Variants in LEKR1 observed in about 807,000 individuals in gnomAD.
LEKR1 encodes leucine, glutamate and lysine rich 1.
LEKR1 carries 59 observed loss-of-function variants against 72.4 expected under a neutral mutation model. The observed-to-expected ratio is 0.82, with a 90% CI of 0.66 to 1.01. The LOEUF (loss-of-function observed/expected upper bound fraction) is 1.01. Among genes scored for constraint, LEKR1 ranks in the 50% least tolerant of loss-of-function variants. LEKR1 has a pLI of 0.00. For missense variants in LEKR1, 728 were observed against 759.2 expected, an observed-to-expected ratio of 0.96 and a Z score of 0.48; for synonymous variants, 257 against 263.2, an observed-to-expected ratio of 0.98 and a Z score of 0.23.
intron 3 of LEKR1, among the ~76,000 whole-genome samples, chr3:156,856,182 C>T (rs1433705947): frequency 6.6e-6 from 1 of 152,002 alleles, no homozygotes; most frequent in Non-Finnish European, 1.5e-5. Flanking sequence ...TTTGTTGTTT[C>T]TCAGATGTCT....
At chr3:156,840,018 G>C (rs1159029114) in intron 2 of LEKR1, among the ~76,000 whole-genome samples, 2 of 152,012 alleles carry the variant, frequency 1.3e-5, no homozygotes, top group Non-Finnish European at 2.9e-5. Flanking sequence ...TTCCTCCTCA[G>C]CCTGCTCAAT....
At chr3:156,944,853 A>G (rs1023801113) in intron 6 of LEKR1, among the ~76,000 whole-genome samples, 8 of 151,676 alleles carry the variant, frequency 5.3e-5, no homozygotes, top group African/African-American at 1.9e-4. Context: ...AATCTTGGCT[A>G]TTGTGAATAG....
chr3:156,877,491 C>A (rs974194799), intron 3 of LEKR1, among the ~76,000 whole-genome samples: 3 of 152,062 alleles, frequency 2.0e-5, no homozygotes, highest in Non-Finnish European at 4.4e-5. Context: ...GTTTTAGTCT[C>A]ACTGCTTGTT....
intron 6 of LEKR1, among the ~76,000 whole-genome samples, chr3:156,963,071 C>T (rs1463063039): frequency 1.3e-5 from 2 of 152,134 alleles, no homozygotes; most frequent in African/African-American, 4.8e-5. Context: ...TACTTGTAGC[C>T]TGAGGTGTCT....
chr3:156,852,379 A>G (rs941513287), intron 2 of LEKR1, among the ~76,000 whole-genome samples: 1 of 152,222 alleles, frequency 6.6e-6, no homozygotes, highest in African/African-American at 2.4e-5. Context: ...TGAAAAAGCC[A>G]GGAGAACAGA....
At chr3:157,024,700 C>T in intron 10 of LEKR1, 60 bp from the exon 11 acceptor site, 1 of 1,189,820 alleles carries the variant, frequency 8.4e-7, no homozygotes, top group Non-Finnish European at 1.2e-6. Flanking sequence ...TGAAAATAAG[C>T]TTAATGTACT....
chr3:157,022,566 C>T (rs1221923275), intron 10 of LEKR1, among the ~76,000 whole-genome samples: 2 of 152,010 alleles, frequency 1.3e-5, no homozygotes, highest in Non-Finnish European at 2.9e-5. Flanking sequence ...CAGTCACTAA[C>T]TTGAGTAACT....
At chr3:157,017,628 A>G (rs1733458431) in intron 10 of LEKR1, 1 of 152,170 alleles carries the variant, frequency 6.6e-6, no homozygotes. Flanking sequence ...GATTAAAAGT[A>G]AAGAACGAAA....
Position 156,942,573 on chromosome 3 carries a change from A to T in LEKR1, c.604A>T (p.Lys202Ter), listed in dbSNP as rs1272586039. The change falls in exon 6 of 13, where the codon AAA becomes TAA. Residue 202 changes from lysine to a stop codon, truncating the protein, a stop_gained. Coordinates refer to ENST00000356539, the MANE Select transcript of LEKR1 (RefSeq NM_001004316.3). LOFTEE classifies it high-confidence loss of function. Reference sequence around the variant, plus strand: ...AAGTTTGACAGTATCCCAGAGAAATAAAGTATGCCTTGAAAAGGAAATGAA... The same window carrying T: ...AAGTTTGACAGTATCCCAGAGAAATTAAGTATGCCTTGAAAAGGAAATGAA... ...NKSLTVSQRNKVCLEKEMKNL... is the reference protein window; with the variant it reads ...NKSLTVSQRN 7.9e-7 allele frequency: 1 copy of T among 1,265,426 alleles called. No homozygotes were observed. Among genetic ancestry groups the T allele is most frequent in the African/African-American group, 1.6e-5 (1 of 64,470 alleles). 78.4% of individuals were successfully genotyped at this position (1,265,426 alleles called of 1,614,324 possible).
chr3:157,017,430 C>T (rs532454802), intron 10 of LEKR1: 1 of 152,272 alleles, frequency 6.6e-6, no homozygotes, highest in East Asian at 1.9e-4. Flanking sequence ...GCAGGTGTCC[C>T]CATCCTCCCT....
chr3:156,861,236 T>C, intron 3 of LEKR1, among the ~76,000 whole-genome samples: 1 of 152,134 alleles, frequency 6.6e-6, no homozygotes, highest in Non-Finnish European at 1.5e-5. Flanking sequence ...AGAAAATAAA[T>C]ACATCAACAA....
At chr3:156,976,737 A>G (rs1410579071) in intron 6 of LEKR1, among the ~76,000 whole-genome samples, 1 of 152,200 alleles carries the variant, frequency 6.6e-6, no homozygotes, top group Non-Finnish European at 1.5e-5. Flanking sequence ...TCAAGAGTTT[A>G]TATTTCAAGT....
At chr3:156,923,398 T>C (rs894873317) in intron 4 of LEKR1, among the ~76,000 whole-genome samples, 17 of 152,244 alleles carry the variant, frequency 1.1e-4, no homozygotes, top group Admixed American at 9.8e-4. Flanking sequence ...TTTATACTTT[T>C]CTCGACATTT....
At chr3:156,872,046 C>G (rs1718017528) in intron 3 of LEKR1, among the ~76,000 whole-genome samples, 1 of 150,256 alleles carries the variant, frequency 6.7e-6, no homozygotes, top group African/African-American at 2.4e-5. Context: ...AGGAATAGTT[C>G]AGCAGTGAAA....
At chr3:156,876,237 T>A (rs1005426146) in intron 3 of LEKR1, among the ~76,000 whole-genome samples, 8 of 152,192 alleles carry the variant, frequency 5.3e-5, no homozygotes, top group African/African-American at 1.9e-4. Context: ...ACCATAGCCT[T>A]GTAGTATAGT....
chr3:156,904,819 A>AT lies in LEKR1; in HGVS notation c.264-15747dup, dbSNP rs202183622. Among the ~76,000 whole-genome samples the AT allele has an allele frequency of 1.5e-4, 22 of 151,008 alleles. No homozygotes were observed. The East Asian group carries it at 2.9e-3, about 20-fold the overall frequency. On this transcript the variant is annotated intron_variant, in intron 3 of 12. Coordinates refer to ENST00000356539, the MANE Select transcript of LEKR1 (RefSeq NM_001004316.3). ...AACCTATGTATGTGTGTGTGTATTT[A>AT]TTTTTTTTTATTAAGTCAGGGTTAA...
At chr3:156,910,040 G>T (rs1170011005) in intron 3 of LEKR1, among the ~76,000 whole-genome samples, 3 of 152,076 alleles carry the variant, frequency 2.0e-5, no homozygotes, top group African/African-American at 7.2e-5. Flanking sequence ...CTCTTAGTAT[G>T]CTAAGAGAAA....
chr3:156,985,862 G>T (rs1308000536), intron 7 of LEKR1, among the ~76,000 whole-genome samples: 2 of 130,404 alleles, frequency 1.5e-5, no homozygotes, highest in Non-Finnish European at 3.3e-5. Context: ...AAAAAAAAAA[G>T]AATTTTGAAA....
At chr3:156,864,780 A>G (rs1338774148) in intron 3 of LEKR1, among the ~76,000 whole-genome samples, 3 of 151,828 alleles carry the variant, frequency 2.0e-5, no homozygotes, top group African/African-American at 7.3e-5. Context: ...CTCTTATTTC[A>G]TATCATATTC....
Sources: gnomAD v4.1 joint callset for allele counts (sites outside exome capture counted in the v4.1 genomes callset) on GRCh38, gnomAD v4.1.1 for gene constraint, MANE v1.5 for transcripts, NCBI Gene and HGNC (gene_info 2026-07-23, HGNC 2026-07-21) for gene names.